The following SYN3 variants were observed in gnomAD, a reference collection of about 807,000 sequenced individuals.
SYN3 encodes the protein synapsin III.
Under a neutral mutation model 65.8 loss-of-function variants are expected in SYN3, and 35 were observed. The ratio of observed to expected loss-of-function variants is 0.53; its 90% confidence interval spans 0.41 to 0.70. The LOEUF is 0.70. SYN3 is among the 30% of genes least tolerant of loss of function. SYN3 has a pLI of 0.00. For synonymous variants in SYN3, 270 were observed against 292.9 expected (o/e 0.92, Z 0.80); for missense variants, 680 against 749.0 (o/e 0.91, Z 1.08).
chr22:32,867,046 G>C (rs904740729), intron 5 of SYN3, among the ~76,000 whole-genome samples: 2 of 152,108 alleles, frequency 1.3e-5, no homozygotes, highest in Non-Finnish European at 2.9e-5. Flanking sequence ...GAGGTTAATG[G>C]GGTTGCTGCT....
chr22:32,586,102 ATACATG>A (rs2059036502), intron 7 of SYN3, among the ~76,000 whole-genome samples: 1 of 150,070 alleles, frequency 6.7e-6, no homozygotes, highest in Non-Finnish European at 1.5e-5. Context: ...GTATATATGT[ATACATG>A]TATATGTATA....
chr22:32,586,927 G>A (rs1301148029), intron 7 of SYN3, among the ~76,000 whole-genome samples: 6 of 152,190 alleles, frequency 3.9e-5, no homozygotes, highest in Middle Eastern at 3.4e-3. Context: ...CTGTGCTCAA[G>A]AGAAGCAGAG....
At chr22:32,574,800 CTCCCAG>C (rs1324491877) in intron 7 of SYN3, among the ~76,000 whole-genome samples, 2 of 152,248 alleles carry the variant, frequency 1.3e-5, no homozygotes, top group African/African-American at 4.8e-5. Context: ...CCATCTGTTA[CTCCCAG>C]TCATATGCTA....
intron 6 of SYN3, among the ~76,000 whole-genome samples, chr22:32,679,044 CTTTCT>C (rs1247767125): frequency 8.6e-6 from 1 of 115,952 alleles, no homozygotes; most frequent in African/African-American, 3.1e-5. Context: ...TTCTTTGTTT[CTTTCT>C]TTTTTTTTTT....
intron 6 of SYN3, among the ~76,000 whole-genome samples, chr22:32,850,207 A>G (rs772041097): frequency 2.6e-5 from 4 of 151,742 alleles, no homozygotes; most frequent in African/African-American, 9.7e-5. Flanking sequence ...TAAGAAAAAG[A>G]ACACCAGATT....
chr22:32,525,950 C>T (rs1368043999), intron 12 of SYN3, among the ~76,000 whole-genome samples: 3 of 152,112 alleles, frequency 2.0e-5, no homozygotes, highest in East Asian at 3.9e-4. Flanking sequence ...TTATAAATTG[C>T]CTCAGTCACC....
chr22:32,763,048 CT>C (rs1216634013), intron 6 of SYN3, among the ~76,000 whole-genome samples: 1 of 152,148 alleles, frequency 6.6e-6, no homozygotes, highest in Non-Finnish European at 1.5e-5. Flanking sequence ...GTGCCAGACA[CT>C]GTTTTGAATG....
At position 32,913,319 on chromosome 22, in the gene SYN3, C is replaced by G. The variant is rs539706869; in HGVS notation, c.461+18071G>C. On this transcript the variant is annotated intron_variant, in intron 4 of 13. Transcript: ENST00000358763. ...GACTACAGGCACCCACCACCATACCCAGCTAATTTTTTGTATTTTTAGTAG... is the reference window on the plus strand; with the variant it reads ...GACTACAGGCACCCACCACCATACCGAGCTAATTTTTTGTATTTTTAGTAG... 3.9e-5 allele frequency among the ~76,000 whole-genome samples: 6 copies of G among 152,162 alleles called. No homozygotes were observed. In the South Asian group the frequency reaches 6.2e-4, roughly 16 times the overall value.
intron 6 of SYN3, chr22:32,849,340 G>T: frequency 1.2e-6 from 1 of 858,420 alleles, no homozygotes. Flanking sequence ...TTGGCTCCAA[G>T]GTAAGAGTGC....
chr22:32,913,220 G>A (rs180783681), intron 4 of SYN3, among the ~76,000 whole-genome samples: 40 of 151,800 alleles, frequency 2.6e-4, no homozygotes, highest in Admixed American at 2.4e-3. Context: ...GACTGCAGTG[G>A]CACAATCTCA....
At chr22:32,688,942 A>C (rs996767818) in intron 6 of SYN3, among the ~76,000 whole-genome samples, 3 of 152,128 alleles carry the variant, frequency 2.0e-5, no homozygotes, top group Non-Finnish European at 2.9e-5. Context: ...TTGTGTTAGC[A>C]CTGGGGCCTT....
In SYN3 at chr22:32,645,192, C is replaced by T. The variant is rs961166919; in HGVS notation, c.712-48456G>A. The stretch of plus-strand genomic sequence containing the variant: ...ACCCAGAATCCTCCCTAAAGCCAGA[C>T]AATAATTAAATGAGAGCTAAGGGCC... On this transcript the variant is annotated intron_variant, in intron 6 of 13. Coordinates refer to ENST00000358763, the MANE Select transcript of SYN3 (RefSeq NM_003490.4). Among the ~76,000 whole-genome samples the T allele has an allele frequency of 4.6e-5, 7 of 152,148 alleles. No individual in the cohort carries two copies. In the South Asian group the frequency reaches 1.2e-3, roughly 27 times the overall value.
chr22:32,778,663 A>G (rs7291454), intron 6 of SYN3, among the ~76,000 whole-genome samples: 14,883 of 152,236 alleles, frequency 0.098, 903 homozygotes, highest in Admixed American at 0.15. Flanking sequence ...GGGAGCCAGT[A>G]TCAGGGTTTA....
chr22:32,910,654 C>T (rs1863693), intron 4 of SYN3, among the ~76,000 whole-genome samples: 14 of 143,022 alleles, frequency 9.8e-5, no homozygotes, highest in African/African-American at 1.6e-4. Context: ...AACGTAATTG[C>T]GCTTTTGCCA....
In SYN3 at chr22:32,782,515, C is replaced by CT. The variant is rs1265679936; in HGVS notation, c.711+82399dup. On this transcript the variant is annotated intron_variant, in intron 6 of 13. Transcript: ENST00000358763. The stretch of plus-strand genomic sequence containing the variant: ...CCACGCCTGGCCAGGCCTTGTAATT[C>CT]TTTTTTTTTTTTTTTTTTTTGAGAC... Among the ~76,000 whole-genome samples, 1,112 of 124,124 alleles carry CT rather than the reference C, an allele frequency of 9.0e-3. 11 individuals carry two copies. The highest frequency in any genetic ancestry group is 0.034 in the East Asian group (144 of 4,242). 81.4% of individuals were successfully genotyped at this position (124,124 alleles called of 152,430 possible).
chr22:32,942,385 T>C (rs1190857942), intron 3 of SYN3, among the ~76,000 whole-genome samples: 3 of 152,226 alleles, frequency 2.0e-5, no homozygotes, highest in Non-Finnish European at 4.4e-5. Context: ...AGCTGAGGGT[T>C]CTGACTGTTA....
At chr22:32,780,780 A>G (rs5754281) in intron 6 of SYN3, among the ~76,000 whole-genome samples, 29,443 of 152,022 alleles carry the variant, frequency 0.19, 3,235 homozygotes, top group African/African-American at 0.3. Context: ...AATAATATTA[A>G]CCACAATGTA....
At chr22:32,887,514 G>T (rs899306528) in intron 4 of SYN3, among the ~76,000 whole-genome samples, 1 of 152,200 alleles carries the variant, frequency 6.6e-6, no homozygotes, top group Non-Finnish European at 1.5e-5. Context: ...TCCATTGCCA[G>T]TTGAGCTTCC....
intron 7 of SYN3, among the ~76,000 whole-genome samples, chr22:32,588,903 T>G (rs2059089030): frequency 6.6e-6 from 1 of 152,198 alleles, no homozygotes; most frequent in East Asian, 1.9e-4. Context: ...CCATAAGACA[T>G]GCTCACCAGT....
Sources: allele counts gnomAD v4.1 joint callset (sites outside exome capture counted in the v4.1 genomes callset), GRCh38; gene constraint gnomAD v4.1.1; transcripts MANE v1.5; gene names NCBI Gene and HGNC (gene_info 2026-07-23, HGNC 2026-07-21).